Variants in TACR1 observed in about 807,000 individuals in gnomAD.
The protein encoded by TACR1 is substance-P receptor.
Under a neutral mutation model 35.8 loss-of-function variants are expected in TACR1, and 25 were observed. The observed-to-expected ratio is 0.70, with a 90% CI of 0.51 to 0.98. The LOEUF is 0.98. Ranked by LOEUF, TACR1 falls within the 50% of genes least tolerant of loss-of-function variation. The probability of loss-of-function intolerance (pLI) is 0.00; values close to 1 mark genes in which losing one functional copy is unlikely to be tolerated. For synonymous variants in TACR1, 195 were observed against 206.7 expected (o/e 0.94, Z 0.48); for missense variants, 478 against 522.9 (o/e 0.91, Z 0.84).
At chr2:75,147,781 T>A (rs978010110) in intron 1 of TACR1, among the ~76,000 whole-genome samples, 1 of 151,718 alleles carries the variant, frequency 6.6e-6, no homozygotes, top group African/African-American at 2.4e-5. Context: ...TCTCCCTCTG[T>A]AGGCCAGGCT....
intron 2 of TACR1, among the ~76,000 whole-genome samples, chr2:75,087,684 G>A (rs1418406520): frequency 1.3e-5 from 2 of 152,156 alleles, no homozygotes; most frequent in African/African-American, 2.4e-5. Context: ...CTTGCCATTT[G>A]AAACAGTAAA....
chr2:75,092,119 A>G (rs1375708041), intron 2 of TACR1, among the ~76,000 whole-genome samples: 1 of 152,240 alleles, frequency 6.6e-6, no homozygotes, highest in African/African-American at 2.4e-5. Context: ...TACACACACT[A>G]GTGAGCAGCA....
At chr2:75,110,638 A>G (rs148254527) in intron 2 of TACR1, among the ~76,000 whole-genome samples, 1 of 151,892 alleles carries the variant, frequency 6.6e-6, no homozygotes, top group African/African-American at 2.4e-5. Flanking sequence ...TATTATGATC[A>G]TAATATATGA....
chr2:75,059,574 T>A lies in TACR1; in HGVS notation c.585-5819A>T, dbSNP rs1034758193. 2.0e-5 allele frequency among the ~76,000 whole-genome samples: 3 copies of A among 152,216 alleles called. No individual in the cohort carries two copies. The East Asian group carries it at 5.8e-4, about 29-fold the overall frequency. On this transcript the variant is annotated intron_variant, in intron 2 of 4. Transcript: ENST00000305249. Reference sequence around the variant, plus strand: ...CAGCTGGGGCTGAGAATTACTGGCATTGAGACTTTTGATGCTGGTAGCTGC... The same window carrying A: ...CAGCTGGGGCTGAGAATTACTGGCAATGAGACTTTTGATGCTGGTAGCTGC...
intron 1 of TACR1, among the ~76,000 whole-genome samples, chr2:75,141,496 GT>G (rs1170375168): frequency 6.6e-6 from 1 of 151,270 alleles, no homozygotes; most frequent in Non-Finnish European, 1.5e-5. Context: ...GCTCTGTCTG[GT>G]TGGCTTAACC....
At chr2:75,149,071 A>G (rs1277112868) in intron 1 of TACR1, among the ~76,000 whole-genome samples, 1 of 151,904 alleles carries the variant, frequency 6.6e-6, no homozygotes, top group Non-Finnish European at 1.5e-5. Flanking sequence ...GTTCTGTTCC[A>G]TTGGTCTATG....
In TACR1 at chr2:75,140,408, A is replaced by G. The variant is rs185152963; in HGVS notation, c.390-19640T>C. On this transcript the variant is annotated intron_variant, in intron 1 of 4. Transcript: ENST00000305249. ...TTTTAAGGAAATCAAATTTGCCTGC[A>G]AAGTTTACACAAGCAGATCATGTGA... Among the ~76,000 whole-genome samples the G allele has an allele frequency of 1.3e-4, 20 of 152,288 alleles. No individual in the cohort carries two copies. In the East Asian group the frequency reaches 3.9e-3, roughly 29 times the overall value.
chr2:75,188,122 A>G (rs1426801778), intron 1 of TACR1: 1 of 152,174 alleles, frequency 6.6e-6, no homozygotes, highest in East Asian at 1.9e-4. Context: ...GGCTGCATTC[A>G]TTTTGGTTCC....
chr2:75,155,909 G>T (rs186680842), intron 1 of TACR1, among the ~76,000 whole-genome samples: 111 of 152,302 alleles, frequency 7.3e-4, no homozygotes, highest in African/African-American at 2.4e-3. Context: ...GCCAAAGCTG[G>T]CCTGCTGCCT....
chr2:75,138,118 T>C (rs1299025759), intron 1 of TACR1, among the ~76,000 whole-genome samples: 1 of 152,200 alleles, frequency 6.6e-6, no homozygotes, highest in African/African-American at 2.4e-5. Flanking sequence ...GGTTCGTGGA[T>C]ATGCAGCAGT....
At chr2:75,114,591 T>C (rs1673813975) in intron 2 of TACR1, among the ~76,000 whole-genome samples, 1 of 152,230 alleles carries the variant, frequency 6.6e-6, no homozygotes, top group Non-Finnish European at 1.5e-5. Context: ...TCACAGTTTT[T>C]ATAGAAAAAA....
chr2:75,101,647 T>C (rs1403619821), intron 2 of TACR1, among the ~76,000 whole-genome samples: 1 of 152,128 alleles, frequency 6.6e-6, no homozygotes, highest in Non-Finnish European at 1.5e-5. Context: ...CTAGGTTCTC[T>C]TTGGCAATTG....
intron 2 of TACR1, among the ~76,000 whole-genome samples, chr2:75,055,433 C>T (rs1031796965): frequency 6.6e-6 from 1 of 152,240 alleles, no homozygotes; most frequent in Admixed American, 6.5e-5. Context: ...CAGGGCTCTC[C>T]AACCACTATG....
chr2:75,087,566 C>G (rs1372924352), intron 2 of TACR1, among the ~76,000 whole-genome samples: 2 of 152,170 alleles, frequency 1.3e-5, no homozygotes, highest in Non-Finnish European at 2.9e-5. Context: ...CTAAGGAAGC[C>G]CCACCAACCC....
chr2:75,067,263 T>C (rs1672781035), intron 2 of TACR1, among the ~76,000 whole-genome samples: 1 of 152,232 alleles, frequency 6.6e-6, no homozygotes, highest in Non-Finnish European at 1.5e-5. Context: ...TGCTGAATCA[T>C]GCAGATTTAG....
chr2:75,146,346 C>T (rs973791401), intron 1 of TACR1, among the ~76,000 whole-genome samples: 4 of 152,136 alleles, frequency 2.6e-5, no homozygotes, highest in Non-Finnish European at 4.4e-5. Context: ...TGGTCTCGAA[C>T]TCCTGACCTC....
intron 2 of TACR1, among the ~76,000 whole-genome samples, chr2:75,078,643 A>G (rs891214026): frequency 1.3e-5 from 2 of 152,256 alleles, no homozygotes; most frequent in African/African-American, 4.8e-5. Context: ...GCCATTTCCA[A>G]CATCATGGGG....
intron 2 of TACR1, among the ~76,000 whole-genome samples, chr2:75,065,213 T>C (rs549503046): frequency 3.4e-4 from 52 of 152,338 alleles, no homozygotes; most frequent in African/African-American, 1.3e-3. Flanking sequence ...ATGCATTTTA[T>C]GAGGTCGAAT....
intron 1 of TACR1, among the ~76,000 whole-genome samples, chr2:75,182,465 T>C (rs1297497835): frequency 6.6e-6 from 1 of 152,200 alleles, no homozygotes; most frequent in East Asian, 1.9e-4. Flanking sequence ...TGAGCCATAC[T>C]GACAGTGTGA....
Sources: gnomAD v4.1 joint callset for allele counts (sites outside exome capture counted in the v4.1 genomes callset) on GRCh38, gnomAD v4.1.1 for gene constraint, MANE v1.5 for transcripts, NCBI Gene and HGNC (gene_info 2026-07-23, HGNC 2026-07-21) for gene names.